Variants in GLYATL2 observed in about 807,000 individuals in gnomAD.
GLYATL2 encodes the protein glycine-N-acyltransferase like 2.
GLYATL2 carries 25 observed loss-of-function variants against 21.4 expected under a neutral mutation model. The observed-to-expected ratio is 1.17, with a 90% CI of 0.85 to 1.63. The LOEUF (loss-of-function observed/expected upper bound fraction) is 1.63. Among genes scored for constraint, GLYATL2 ranks in the 40% most tolerant of loss-of-function variants. The pLI is 0.00. For missense variants in GLYATL2, 361 were observed against 343.3 expected, an observed-to-expected ratio of 1.05 and a Z score of -0.41; for synonymous variants, 114 against 118.2, an observed-to-expected ratio of 0.96 and a Z score of 0.23.
chr11:58,889,374 A>G (rs572324828), intron 1 of GLYATL2, among the ~76,000 whole-genome samples: 24 of 152,058 alleles, frequency 1.6e-4, no homozygotes, highest in Admixed American at 6.6e-4. Flanking sequence ...CAATATTTAT[A>G]TGGGTTTTTA....
At chr11:58,886,260 G>A (rs1222860574) in intron 1 of GLYATL2, among the ~76,000 whole-genome samples, 2 of 152,014 alleles carry the variant, frequency 1.3e-5, no homozygotes, top group Non-Finnish European at 2.9e-5. Flanking sequence ...GGGACTCAAC[G>A]ACTCATAATT....
intron 1 of GLYATL2, among the ~76,000 whole-genome samples, chr11:58,887,843 T>C (rs1280643060): frequency 6.6e-6 from 1 of 152,186 alleles, no homozygotes; most frequent in Non-Finnish European, 1.5e-5. Flanking sequence ...CTTTTCTCAA[T>C]ACAATTGATT....
At chr11:58,863,784 G>A (rs1035521978) in intron 1 of GLYATL2, among the ~76,000 whole-genome samples, 1 of 152,112 alleles carries the variant, frequency 6.6e-6, no homozygotes, top group Non-Finnish European at 1.5e-5. Context: ...AGGACTGTAG[G>A]AACTGCTCTG....
chr11:58,867,669 T>C (rs545350984), intron 1 of GLYATL2, among the ~76,000 whole-genome samples: 1 of 149,190 alleles, frequency 6.7e-6, no homozygotes, highest in South Asian at 2.2e-4. Context: ...CCCATGTTCA[T>C]GCCAGAATCT....
chr11:58,882,533 C>T (rs1352891966), intron 1 of GLYATL2, among the ~76,000 whole-genome samples: 1 of 152,132 alleles, frequency 6.6e-6, no homozygotes, highest in East Asian at 1.9e-4. Flanking sequence ...CTGTAGGTTG[C>T]CTGTTCGCTC....
chr11:58,908,023 A>G (rs898707304), upstream of GLYATL2: 3 of 152,790 alleles, frequency 2.0e-5, no homozygotes, highest in African/African-American at 7.3e-5. Flanking sequence ...GTTCCTTTTC[A>G]ACAGTTTCAT....
chr11:58,890,471 C>G (rs942348968), intron 1 of GLYATL2, among the ~76,000 whole-genome samples: 2 of 152,050 alleles, frequency 1.3e-5, no homozygotes, highest in Non-Finnish European at 2.9e-5. Context: ...TACATATATT[C>G]CTATGGAATA....
intron 1 of GLYATL2, among the ~76,000 whole-genome samples, chr11:58,891,981 T>C (rs1590751782): frequency 6.6e-6 from 1 of 152,166 alleles, no homozygotes; most frequent in Non-Finnish European, 1.5e-5. Context: ...CTTTATCTAA[T>C]AAGTAGGTTT....
chr11:58,848,054 GC>G (rs1853675148), upstream of GLYATL2, among the ~76,000 whole-genome samples: 1 of 144,548 alleles, frequency 6.9e-6, no homozygotes, highest in African/African-American at 2.6e-5. Flanking sequence ...AACAGTCTCT[GC>G]CTGGTAATCC....
chr11:58,838,588 G>C (rs1853486074), intron 2 of GLYATL2, among the ~76,000 whole-genome samples: 2 of 152,080 alleles, frequency 1.3e-5, no homozygotes, highest in Non-Finnish European at 2.9e-5. Context: ...TAATACCTGA[G>C]TCATTAGGAA....
At chr11:58,900,053 T>C (rs1296258687) in intron 1 of GLYATL2, among the ~76,000 whole-genome samples, 1 of 152,110 alleles carries the variant, frequency 6.6e-6, no homozygotes, top group Non-Finnish European at 1.5e-5. Flanking sequence ...GCACCGGAAT[T>C]CTGTGTAAAT....
intron 1 of GLYATL2, among the ~76,000 whole-genome samples, chr11:58,884,036 C>T (rs188838549): frequency 1.3e-5 from 2 of 152,170 alleles, no homozygotes; most frequent in Non-Finnish European, 2.9e-5. Context: ...GCTAAAAACT[C>T]TCAATAAACT....
Position 58,879,661 on chromosome 11 carries a change from T to G in GLYATL2, n.60+24495A>C, listed in dbSNP as rs372549885. Reference sequence around the variant, plus strand: ...TAGAGTCATAAAGTAAAATAAAAGTTACCAGTGGCTAGATACAGGGAACGA... The same window carrying G: ...TAGAGTCATAAAGTAAAATAAAAGTGACCAGTGGCTAGATACAGGGAACGA... On this transcript the variant is annotated intron_variant and non_coding_transcript_variant, in intron 1 of 4. Coordinates refer to the GLYATL2 transcript ENST00000533636. 3.3e-5 allele frequency among the ~76,000 whole-genome samples: 5 copies of G among 152,308 alleles called. No individual in the cohort carries two copies. In the South Asian group the frequency reaches 1.0e-3, roughly 32 times the overall value.
At chr11:58,887,441 C>T (rs533864796) in intron 1 of GLYATL2, among the ~76,000 whole-genome samples, 3 of 152,120 alleles carry the variant, frequency 2.0e-5, no homozygotes, top group African/African-American at 7.2e-5. Flanking sequence ...TTTTTAATCT[C>T]AAAGATAATA....
Position 58,837,271 on chromosome 11 carries a change from C to T in GLYATL2, c.313G>A (p.Gly105Ser), listed in dbSNP as rs756481428. Reference protein sequence around the residue: ...ISWEQTLQIQGCQEGLDEAIR... With the variant: ...ISWEQTLQIQSCQEGLDEAIR... ...TTTTCTTTTAACTCAGACTAGTTAC[C>T]TTGGATCTGCAAAGTTTGCTCCCAG... Residue 105 changes from glycine (G) to serine (S), a missense_variant and splice_region_variant, in exon 4 of 6, where the codon GGT (glycine) becomes AGT (serine). Coordinates refer to ENST00000287275, the MANE Select transcript of GLYATL2 (RefSeq NM_145016.4). The T allele has an allele frequency of 2.5e-6, 4 of 1,613,720 alleles. No homozygotes were observed. Among genetic ancestry groups the T allele is most frequent in the Admixed American group, 1.7e-5 (1 of 59,996 alleles).
intron 1 of GLYATL2, among the ~76,000 whole-genome samples, chr11:58,861,749 A>G (rs572329663): frequency 6.6e-6 from 1 of 152,094 alleles, no homozygotes; most frequent in African/African-American, 2.4e-5. Flanking sequence ...TCTCAGCATA[A>G]ATTTTAATTT....
chr11:58,856,535 TG>T (rs1323275405), intron 1 of GLYATL2, among the ~76,000 whole-genome samples: 3 of 152,042 alleles, frequency 2.0e-5, no homozygotes, highest in Non-Finnish European at 4.4e-5. Flanking sequence ...TTTCGCTTTT[TG>T]TTTAAAATGA....
At chr11:58,884,324 T>C (rs1174040550) in intron 1 of GLYATL2, among the ~76,000 whole-genome samples, 1 of 152,192 alleles carries the variant, frequency 6.6e-6, no homozygotes, top group Non-Finnish European at 1.5e-5. Context: ...CCCCATTGTC[T>C]CAGGGAAAAA....
chr11:58,875,357 G>A (rs1854208910), intron 1 of GLYATL2, among the ~76,000 whole-genome samples: 1 of 152,178 alleles, frequency 6.6e-6, no homozygotes, highest in South Asian at 2.1e-4. Context: ...TATTTTGCTT[G>A]TTAGTTGATG....
Sources: gnomAD v4.1 joint callset for allele counts (sites outside exome capture counted in the v4.1 genomes callset) on GRCh38, gnomAD v4.1.1 for gene constraint, MANE v1.5 for transcripts, NCBI Gene and HGNC (gene_info 2026-07-23, HGNC 2026-07-21) for gene names.